Variants in PPP1R16A observed in about 807,000 individuals in gnomAD.
The protein encoded by PPP1R16A is myosin phosphatase-targeting subunit 3.
Under a neutral mutation model 46.6 loss-of-function variants are expected in PPP1R16A, and 39 were observed. The ratio of observed to expected loss-of-function variants is 0.84; its 90% CI spans 0.65 to 1.09. The LOEUF (loss-of-function observed/expected upper bound fraction) is 1.09, where lower values mean the gene tolerates loss of function less well. PPP1R16A is among the 50% of genes least tolerant of loss of function. PPP1R16A has a pLI of 0.00. For synonymous variants in PPP1R16A, 413 were observed against 321.5 expected (o/e 1.28, Z -3.04); for missense variants, 798 against 735.6 (o/e 1.08, Z -0.98).
intron 1 of PPP1R16A, among the ~76,000 whole-genome samples, chr8:144,485,416 CG>C (rs1382686881): frequency 1.3e-5 from 2 of 150,956 alleles, no homozygotes; most frequent in African/African-American, 4.9e-5. Flanking sequence ...CCCAGCTACC[CG>C]GGAGGCTGAG....
At chr8:144,486,278 C>A (rs1288637422) in intron 1 of PPP1R16A, among the ~76,000 whole-genome samples, 1 of 152,078 alleles carries the variant, frequency 6.6e-6, no homozygotes. Flanking sequence ...GTTAGCCAGG[C>A]TGGTCTTGAA....
intron 5 of PPP1R16A, 117 bp from the exon 6 acceptor site, chr8:144,499,979 G>C (rs1826328492): frequency 1.0e-6 from 1 of 1,000,570 alleles, no homozygotes; most frequent in African/African-American, 1.6e-5. Context: ...AGGTGGACAG[G>C]GTGCCTCCTG....
Position 144,493,707 on chromosome 8 carries a change from C to T in PPP1R16A, c.-734-2754C>T, listed in dbSNP as rs1488156309. 6.6e-6 allele frequency among the ~76,000 whole-genome samples: 1 copy of T among 152,162 alleles called. No individual in the cohort carries two copies. Among genetic ancestry groups the T allele is most frequent in the Non-Finnish European group, 1.5e-5 (1 of 67,992 alleles). On this transcript the variant is annotated intron_variant, in intron 2 of 11. Transcript: ENST00000435887. The surrounding 1 kb of genome is among the most constrained non-coding windows in gnomAD (Gnocchi z 4.3). ...AGGTGGGCACTGGGACACCCCCTGG[C>T]ACCCACTCTTGGGGGGCCCTGGGCT...
At chr8:144,489,127 C>A (rs1586743123) in intron 1 of PPP1R16A, among the ~76,000 whole-genome samples, 1 of 148,114 alleles carries the variant, frequency 6.8e-6, no homozygotes, top group East Asian at 2.0e-4. Context: ...TCATTTGAAC[C>A]CAGGAGCTGG....
rs1279601379 is a variant in PPP1R16A at position 144,493,033 on chromosome 8, T to C, written c.-735+2821T>C. Among the ~76,000 whole-genome samples the C allele has an allele frequency of 6.6e-6, 1 of 152,066 alleles. No homozygotes were observed. The highest frequency in any genetic ancestry group is 1.5e-5 in the Non-Finnish European group (1 of 67,974). Reference sequence around the variant, plus strand: ...GGGTGATGGCAGGTGCCTGAGGCAGTGATGGGAGTAGAGAGGGCACTGAGG... The same window carrying C: ...GGGTGATGGCAGGTGCCTGAGGCAGCGATGGGAGTAGAGAGGGCACTGAGG... On this transcript the variant is annotated intron_variant, in intron 2 of 11. Transcript: ENST00000435887. The surrounding 1 kb of genome is among the most constrained non-coding windows in gnomAD (Gnocchi z 4.3).
At position 144,499,125 on chromosome 8, in the gene PPP1R16A, C is replaced by T. The variant is rs985365681; in HGVS notation, c.476+64C>T. On this transcript the variant is annotated intron_variant, in intron 5 of 11. Coordinates refer to ENST00000435887, the MANE Select transcript of PPP1R16A (RefSeq NM_001329443.2). Reference sequence around the variant, plus strand: ...CTCTCAGATGGCCGCTCAGGAGGCTCCTCTTGGGCAGTATCTGTGGCTCTC... The same window carrying T: ...CTCTCAGATGGCCGCTCAGGAGGCTTCTCTTGGGCAGTATCTGTGGCTCTC... 4.3e-4 allele frequency: 645 copies of T among 1,509,810 alleles called. 3 individuals are homozygous for T. Among genetic ancestry groups the T allele is most frequent in the Admixed American group, 1.9e-4 (10 of 51,832 alleles). 93.5% of individuals were successfully genotyped at this position (1,509,810 alleles called of 1,614,324 possible). A position where few individuals can be genotyped will look rare whatever the true frequency, so the allele number is the denominator to read the frequency against.
In PPP1R16A at chr8:144,501,287, C is replaced by T. The variant is rs570171561; in HGVS notation, c.1196C>T (p.Pro399Leu). 3.8e-6 allele frequency: 6 copies of T among 1,585,998 alleles called. No individual in the cohort carries two copies. In the African/African-American group the frequency reaches 8.1e-5, roughly 21 times the overall value. The change falls in exon 11 of 12, where the codon CCC (proline) becomes CTC (leucine). Residue 399 changes from proline to leucine, a missense_variant. Transcript: ENST00000435887. ...ACAGGCGCAGAGCTCAGGCCGCCGC[C>T]CCCGGAGGTGAGCGCCCCGTCCCTG... The part of the protein sequence containing the change: ...RQTGAELRPP[P>L]PEEDNPEVVR...
Position 144,479,718 on chromosome 8 carries a change from A to G in PPP1R16A, c.-914+1591A>G, listed in dbSNP as rs548537202. Among the ~76,000 whole-genome samples, 8 of 152,220 alleles carry G rather than the reference A, an allele frequency of 5.3e-5. 1 individual carries two copies. In the South Asian group the frequency reaches 1.5e-3, roughly 28 times the overall value. ...CCAGCTCCACCCTTGCTCTTCCCCG[A>G]GCGTGTCCTAACCCTAGCACTTGTG... On this transcript the variant is annotated intron_variant, in intron 1 of 11. Coordinates refer to ENST00000435887, the MANE Select transcript of PPP1R16A (RefSeq NM_001329443.2).
Position 144,484,127 on chromosome 8 carries a change from T to C in PPP1R16A, c.-913-5907T>C, listed in dbSNP as rs778874924. Among the ~76,000 whole-genome samples the C allele has an allele frequency of 3.2e-4, 48 of 152,226 alleles. 1 individual carries two copies. Among genetic ancestry groups the C allele is most frequent in the Admixed American group, 2.0e-4 (3 of 15,282 alleles). ...CCCTCACGGTCCCAGTGCTGCCTCC[T>C]TCCACACTCCCAGGCCCTGTGCCAC... On this transcript the variant is annotated intron_variant, in intron 1 of 11. Coordinates refer to ENST00000435887, the MANE Select transcript of PPP1R16A (RefSeq NM_001329443.2).
In PPP1R16A at chr8:144,500,823, G is replaced by GCCTGCGCCCACTT; in HGVS notation, c.908-17_908-5dup. 1 of 1,588,840 alleles carries GCCTGCGCCCACTT rather than the reference G, an allele frequency of 6.3e-7. No individual in the cohort carries two copies. Among genetic ancestry groups the GCCTGCGCCCACTT allele is most frequent in the South Asian group, 1.1e-5 (1 of 88,118 alleles). Reference sequence around the variant, plus strand: ...GACAGGCGGGGAGGGCGCCCCTGACGCCTGCGCCCACTTCTCAGATGTGTG... The same window carrying GCCTGCGCCCACTT: ...GACAGGCGGGGAGGGCGCCCCTGACGCCTGCGCCCACTTCCTGCGCCCACTTCTCAGATGTGTG... On this transcript the variant is annotated intron_variant, in intron 9 of 11. Coordinates refer to ENST00000435887, the MANE Select transcript of PPP1R16A (RefSeq NM_001329443.2).
At chr8:144,499,800 T>TGCTCCCC (rs1826315998) in intron 5 of PPP1R16A, 2 of 385,180 alleles carry the variant, frequency 5.2e-6, no homozygotes, top group Admixed American at 3.9e-5. Flanking sequence ...CTGTGCTCCC[T>TGCTCCCC]GCTCCCCAGC....
rs1419453227 is a variant in PPP1R16A at position 144,493,774 on chromosome 8, C to T, written c.-734-2687C>T. On this transcript the variant is annotated intron_variant, in intron 2 of 11. Coordinates refer to ENST00000435887, the MANE Select transcript of PPP1R16A (RefSeq NM_001329443.2). The surrounding 1 kb of genome is among the most constrained non-coding windows in gnomAD (Gnocchi z 4.3). ...TTTTCTCTTAGAGGAGGCAGTTGGACCCTCGAGCAGGACAGGAACCTGCCC... is the reference window on the plus strand; with the variant it reads ...TTTTCTCTTAGAGGAGGCAGTTGGATCCTCGAGCAGGACAGGAACCTGCCC... Among the ~76,000 whole-genome samples, 3 of 152,148 alleles carry T rather than the reference C, an allele frequency of 2.0e-5. No homozygotes were observed. The highest frequency in any genetic ancestry group is 2.0e-4 in the Admixed American group (3 of 15,288).
In PPP1R16A at chr8:144,498,034, C is replaced by T. The variant is rs745810610; in HGVS notation, c.259+581C>T. ...GGTTCCACTTCTGGTGCTCTGGAGT[C>T]TTGGGGGAAGAGGCACTGTGGTGGC... On this transcript the variant is annotated intron_variant, in intron 3 of 11. Transcript: ENST00000435887. 2.4e-5 allele frequency: 11 copies of T among 456,334 alleles called. 1 individual carries two copies. The highest frequency in any genetic ancestry group is 1.7e-4 in the South Asian group (11 of 64,572). The allele number at this position is 456,334 out of a possible 1,614,324, so 28.3% of individuals were successfully genotyped here.
Position 144,492,582 on chromosome 8 carries a change from A to G in PPP1R16A, c.-735+2370A>G, listed in dbSNP as rs559504710. Among the ~76,000 whole-genome samples the G allele has an allele frequency of 7.9e-5, 12 of 151,996 alleles. 1 individual carries two copies. In the East Asian group the frequency reaches 9.7e-4, roughly 12 times the overall value. ...GATCTCCTGACCTCGTGATCTGCCC[A>G]CCTCGGCCTCCCAAAGTGCTGGGAT... On this transcript the variant is annotated intron_variant, in intron 2 of 11. Transcript: ENST00000435887.
intron 1 of PPP1R16A, chr8:144,478,398 A>T (rs536341315): frequency 3.0e-6 from 1 of 333,184 alleles, no homozygotes; most frequent in Non-Finnish European, 5.4e-6. Flanking sequence ...CGCCCAGGGC[A>T]CAGGTCCCGC....
chr8:144,498,730 A>AG, intron 3 of PPP1R16A, 40 bp from the exon 4 acceptor site: 1 of 1,534,584 alleles, frequency 6.5e-7, no homozygotes, highest in Non-Finnish European at 8.8e-7. Flanking sequence ...GGACCTGACC[A>AG]GGGGCAGGAC....
intron 3 of PPP1R16A, chr8:144,497,743 A>G (rs1478785030): frequency 1.8e-6 from 1 of 541,466 alleles, no homozygotes; most frequent in Admixed American, 3.0e-5. Flanking sequence ...GTGGACCCCC[A>G]GGAGCCTGCA....
At chr8:144,499,363 C>T in intron 5 of PPP1R16A, 1 of 415,834 alleles carries the variant, frequency 2.4e-6, no homozygotes, top group Non-Finnish European at 4.3e-6. Context: ...GGCAGAACTG[C>T]TAAGGAGGGA....
chr8:144,489,850 T>C (rs1387146897), intron 1 of PPP1R16A, among the ~76,000 whole-genome samples, 184 bp from the exon 2 acceptor site: 8 of 152,238 alleles, frequency 5.3e-5, no homozygotes, highest in Non-Finnish European at 1.0e-4. Context: ...TTGTCACATT[T>C]CAGGAGGTCT....
Sources: gnomAD v4.1 joint callset for allele counts (sites outside exome capture counted in the v4.1 genomes callset) on GRCh38, gnomAD v4.1.1 for gene constraint, Gnocchi (gnomAD v3.1) non-coding constraint, MANE v1.5 for transcripts, NCBI Gene and HGNC (gene_info 2026-07-23, HGNC 2026-07-21) for gene names.